The following HTR4 variants were observed in gnomAD, a reference collection of about 807,000 sequenced individuals.
HTR4 encodes 5-hydroxytryptamine receptor 4.
HTR4 carries 16 observed loss-of-function variants against 36.8 expected under a neutral mutation model. The observed-to-expected ratio is 0.43, with a 90% CI of 0.29 to 0.66. HTR4 has a LOEUF of 0.66. Ranked by LOEUF, HTR4 falls within the 30% of genes least tolerant of loss-of-function variation. The probability of loss-of-function intolerance (pLI) is 0.13; values close to 1 mark genes in which losing one functional copy is unlikely to be tolerated. For synonymous variants in HTR4, 189 were observed against 185.1 expected (o/e 1.02, Z -0.17); for missense variants, 438 against 490.9 (o/e 0.89, Z 1.02).
At chr5:148,629,803 A>G (rs1050365423) in intron 2 of HTR4, 4 of 152,168 alleles carry the variant, frequency 2.6e-5, no homozygotes, top group African/African-American at 9.7e-5. Context: ...CCAAGCTTAT[A>G]TAGTGGGGAA....
intron 3 of HTR4, among the ~76,000 whole-genome samples, chr5:148,549,862 C>T (rs1759594165): frequency 1.3e-5 from 2 of 152,040 alleles, no homozygotes; most frequent in Non-Finnish European, 2.9e-5. Flanking sequence ...ATTATATGTG[C>T]TCTCAACAAT....
At chr5:148,510,806 CAG>C (rs1205744714) in intron 5 of HTR4, among the ~76,000 whole-genome samples, 2 of 152,158 alleles carry the variant, frequency 1.3e-5, no homozygotes, top group Admixed American at 1.3e-4. Context: ...CAGAGTAACA[CAG>C]AGTAACAGCC....
intron 6 of HTR4, among the ~76,000 whole-genome samples, chr5:148,501,035 A>C (rs1011467741): frequency 3.9e-5 from 6 of 152,306 alleles, no homozygotes; most frequent in Non-Finnish European, 7.4e-5. Flanking sequence ...ATGCACCAAG[A>C]AATGTGTTCA....
Position 148,654,352 on chromosome 5 carries a change from C to A in HTR4, c.-338G>T, listed in dbSNP as rs2127323462. On this transcript the variant is annotated 5_prime_UTR_variant, in exon 1 of 7. Coordinates refer to ENST00000377888, the MANE Select transcript of HTR4 (RefSeq NM_000870.7). ...ACTCCACGGGCTCAACAGCCCCCAGCCCCGGTGGTCCCCGCTGCCCTGCCC... is the reference window on the plus strand; with the variant it reads ...ACTCCACGGGCTCAACAGCCCCCAGACCCGGTGGTCCCCGCTGCCCTGCCC... The A allele has an allele frequency of 1.0e-6, 1 of 985,460 alleles. No homozygotes were observed. The highest frequency in any genetic ancestry group is 4.7e-5 in the South Asian group (1 of 21,290). 61.0% of individuals were successfully genotyped at this position (985,460 alleles called of 1,614,324 possible). A position where few individuals can be genotyped will look rare whatever the true frequency, so the allele number is the denominator to read the frequency against.
intron 6 of HTR4, among the ~76,000 whole-genome samples, chr5:148,502,633 C>A (rs896519386): frequency 6.6e-6 from 1 of 152,198 alleles, no homozygotes; most frequent in Non-Finnish European, 1.5e-5. Context: ...AGAAATGGAA[C>A]AAAACTGGAT....
chr5:148,651,698 TA>T (rs1262909304), intron 1 of HTR4, among the ~76,000 whole-genome samples: 5 of 151,618 alleles, frequency 3.3e-5, no homozygotes, highest in African/African-American at 1.2e-4. Context: ...TTAATAATAT[TA>T]TTGAATATTA....
intron 2 of HTR4, among the ~76,000 whole-genome samples, chr5:148,626,811 C>T (rs909486578): frequency 5.9e-5 from 9 of 151,982 alleles, no homozygotes; most frequent in Non-Finnish European, 1.0e-4. Flanking sequence ...TTTAATTGAC[C>T]ATAGAGCAGA....
At chr5:148,649,450 A>T (rs1218693189) in intron 1 of HTR4, among the ~76,000 whole-genome samples, 1 of 152,172 alleles carries the variant, frequency 6.6e-6, no homozygotes, top group African/African-American at 2.4e-5. Context: ...TTGAAAGGGG[A>T]AGAAATACAA....
chr5:148,623,633 T>C (rs1043841868), intron 2 of HTR4, among the ~76,000 whole-genome samples: 1 of 152,050 alleles, frequency 6.6e-6, no homozygotes, highest in African/African-American at 2.4e-5. Context: ...TGGACATACT[T>C]AAAAACAGGA....
rs112825821 is a variant in HTR4 at position 148,582,164 on chromosome 5, G to C, written c.27-31902C>G. ...AAGAATAGATATGCAACTCACTTTCGTGTGTTGGTTTTGTATTCTTCAGCT... is the reference window on the plus strand; with the variant it reads ...AAGAATAGATATGCAACTCACTTTCCTGTGTTGGTTTTGTATTCTTCAGCT... On this transcript the variant is annotated intron_variant, in intron 2 of 6. Transcript: ENST00000377888. 2.7e-3 allele frequency among the ~76,000 whole-genome samples: 403 copies of C among 151,920 alleles called. 7 individuals carry two copies. The East Asian group carries it at 0.031, about 12-fold the overall frequency.
chr5:148,489,353 A>G (rs991373031), intron 6 of HTR4, among the ~76,000 whole-genome samples: 2 of 152,192 alleles, frequency 1.3e-5, no homozygotes, highest in Admixed American at 1.3e-4. Context: ...AGCCTGATTG[A>G]AACAACATCA....
At chr5:148,490,562 A>G in intron 6 of HTR4, 2 of 1,120,122 alleles carry the variant, frequency 1.8e-6, no homozygotes, top group Non-Finnish European at 2.2e-6. Context: ...CAGAATCACA[A>G]AAAAAGGGGC....
intron 4 of HTR4, among the ~76,000 whole-genome samples, chr5:148,541,332 C>T (rs1208453210): frequency 1.3e-5 from 2 of 152,096 alleles, no homozygotes; most frequent in Admixed American, 1.3e-4. Context: ...CAGTGCTCAG[C>T]CAAACATGCA....
At chr5:148,519,787 G>A (rs1757927087) in intron 5 of HTR4, among the ~76,000 whole-genome samples, 1 of 152,092 alleles carries the variant, frequency 6.6e-6, no homozygotes, top group South Asian at 2.1e-4. Flanking sequence ...CTATTTGCCG[G>A]CACATATTTT....
chr5:148,466,870 C>T (rs1561562599), intron 5 of HTR4, among the ~76,000 whole-genome samples: 1 of 152,058 alleles, frequency 6.6e-6, no homozygotes, highest in African/African-American at 2.4e-5. Context: ...TTTCATTAGC[C>T]TGATGATATG....
chr5:148,608,875 G>A (rs1752290244), intron 2 of HTR4, among the ~76,000 whole-genome samples: 1 of 152,160 alleles, frequency 6.6e-6, no homozygotes, highest in Non-Finnish European at 1.5e-5. Flanking sequence ...GAAGCAGTAG[G>A]GTTTATTATT....
intron 4 of HTR4, 54 bp downstream of exon 4, chr5:148,548,614 A>G: frequency 1.4e-6 from 2 of 1,395,268 alleles, no homozygotes; most frequent in Middle Eastern, 1.8e-4. Flanking sequence ...CCCAATATCC[A>G]TCAAGTCATG....
chr5:148,647,366 G>A (rs538577280), intron 1 of HTR4, among the ~76,000 whole-genome samples: 1 of 152,134 alleles, frequency 6.6e-6, no homozygotes. Flanking sequence ...CAAAACTGCC[G>A]ATCTTTGGGG....
rs888810354 is a variant in HTR4, at chr5:148,654,298, C to T, written c.-284G>A. 4.1e-6 allele frequency: 4 copies of T among 984,620 alleles called. No individual in the cohort carries two copies. The highest frequency in any genetic ancestry group is 1.7e-5 in the African/African-American group (1 of 57,224). The allele number at this position is 984,620 out of a possible 1,614,324, so 61.0% of individuals were successfully genotyped here. ...AGCCCCGGATCACCTGGGCTCGCCG[C>T]GCATCGTCCTTCTCCCCAACCGAGC... On this transcript the variant is annotated 5_prime_UTR_variant, in exon 1 of 7. Transcript: ENST00000377888.
Sources: gnomAD v4.1 joint callset for allele counts (sites outside exome capture counted in the v4.1 genomes callset) on GRCh38, gnomAD v4.1.1 for gene constraint, MANE v1.5 for transcripts, NCBI Gene and HGNC (gene_info 2026-07-23, HGNC 2026-07-21) for gene names.